PHACTR1: variants seen among roughly 807,000 people sequenced by gnomAD.
The protein encoded by PHACTR1 is phosphatase and actin regulator 1, also known as RPEL repeat containing 1.
A neutral mutation model predicts 69.2 loss-of-function variants in PHACTR1; 16 were observed. That is an observed-to-expected ratio of 0.23 (90% CI 0.16 to 0.35). The LOEUF (loss-of-function observed/expected upper bound fraction) is 0.35, where lower values mean the gene tolerates loss of function less well. PHACTR1 is among the 10% of genes least tolerant of loss of function. The probability of loss-of-function intolerance (pLI) is 1.00; values close to 1 mark genes in which losing one functional copy is unlikely to be tolerated. For synonymous variants in PHACTR1, 312 were observed against 284.5 expected, an observed-to-expected ratio of 1.10 and a Z score of -0.97; for missense variants, 510 against 734.7, an observed-to-expected ratio of 0.69 and a Z score of 3.54.
At chr6:13,278,041 G>C (rs1384732368) in intron 11 of PHACTR1, 1 of 351,204 alleles carries the variant, frequency 2.8e-6, no homozygotes, top group African/African-American at 2.1e-5. Context: ...GTGATGTAAA[G>C]AAGGCAAAAT....
intron 4 of PHACTR1, among the ~76,000 whole-genome samples, chr6:12,899,595 C>G (rs1420977826): frequency 6.6e-6 from 1 of 152,172 alleles, no homozygotes; most frequent in Admixed American, 6.5e-5. Context: ...GCTGCAATTT[C>G]CAGGTACTGG....
At chr6:13,225,650 ACT>A (rs1458771085) in intron 8 of PHACTR1, among the ~76,000 whole-genome samples, 1 of 151,928 alleles carries the variant, frequency 6.6e-6, no homozygotes, top group Non-Finnish European at 1.5e-5. Context: ...AGGAACTCAT[ACT>A]CTCTAGTTTC....
chr6:12,847,524 G>C (rs535131050), intron 4 of PHACTR1, among the ~76,000 whole-genome samples: 1 of 152,080 alleles, frequency 6.6e-6, no homozygotes, highest in Non-Finnish European at 1.5e-5. Context: ...CAACACATTT[G>C]GTTATTAGTA....
intron 4 of PHACTR1, among the ~76,000 whole-genome samples, chr6:12,831,689 G>A (rs1173614183): frequency 2.0e-5 from 3 of 152,166 alleles, no homozygotes; most frequent in Non-Finnish European, 2.9e-5. Flanking sequence ...CAGCTGTGAT[G>A]TGATTTAGAA....
At chr6:12,805,710 C>A (rs906122227) in intron 4 of PHACTR1, among the ~76,000 whole-genome samples, 32 of 151,994 alleles carry the variant, frequency 2.1e-4, no homozygotes, top group Admixed American at 2.0e-3. Flanking sequence ...AAGCAATTCT[C>A]CTGCCTCCGT....
intron 4 of PHACTR1, among the ~76,000 whole-genome samples, chr6:12,980,613 T>G (rs1379065527): frequency 6.6e-6 from 1 of 151,854 alleles, no homozygotes; most frequent in Admixed American, 6.6e-5. Context: ...GCAGAATGAC[T>G]TCTATGTGTG....
chr6:13,223,702 G>A (rs1459479099), intron 8 of PHACTR1, among the ~76,000 whole-genome samples: 1 of 151,960 alleles, frequency 6.6e-6, no homozygotes, highest in Non-Finnish European at 1.5e-5. Flanking sequence ...TGTCCTTGTG[G>A]GCCTATTCAT....
At chr6:13,278,996 C>T (rs1303756473) in intron 12 of PHACTR1, among the ~76,000 whole-genome samples, 2 of 148,138 alleles carry the variant, frequency 1.4e-5, no homozygotes, top group African/African-American at 4.9e-5. Context: ...TCGAATATTA[C>T]ACAATTATTT....
intron 4 of PHACTR1, among the ~76,000 whole-genome samples, chr6:12,761,967 C>T (rs974245866): frequency 1.3e-5 from 2 of 152,182 alleles, no homozygotes; most frequent in African/African-American, 4.8e-5. Context: ...CCTCGCGCCA[C>T]GCTGCCTTCC....
intron 10 of PHACTR1, among the ~76,000 whole-genome samples, chr6:13,251,124 G>T (rs1344569483): frequency 6.6e-6 from 1 of 152,176 alleles, no homozygotes; most frequent in African/African-American, 2.4e-5. Context: ...AGCTTTCAGG[G>T]CCCCGAGTGG....
rs529106112 is a variant in PHACTR1 at position 13,061,669 on chromosome 6, G to A, written c.415+8140G>A. Among the ~76,000 whole-genome samples the A allele has an allele frequency of 2.6e-5, 4 of 152,228 alleles. No homozygotes were observed. The East Asian group carries it at 7.7e-4, about 29-fold the overall frequency. On this transcript the variant is annotated intron_variant, in intron 5 of 14. Coordinates refer to ENST00000332995, the MANE Select transcript of PHACTR1 (RefSeq NM_030948.6). ...CGGTAAATGATCCTACTTACTAGTA[G>A]ACTAACAACTATATATCTTATTTGC...
At chr6:12,740,471 T>A (rs1764889533) in intron 3 of PHACTR1, among the ~76,000 whole-genome samples, 1 of 152,224 alleles carries the variant, frequency 6.6e-6, no homozygotes, top group African/African-American at 2.4e-5. Context: ...ATAATTTGAA[T>A]CTACCTCTAA....
At chr6:12,875,536 G>C (rs961080457) in intron 4 of PHACTR1, among the ~76,000 whole-genome samples, 3 of 152,150 alleles carry the variant, frequency 2.0e-5, no homozygotes, top group Non-Finnish European at 2.9e-5. Flanking sequence ...AGCTGCCCCT[G>C]TAAGTAAAAA....
intron 5 of PHACTR1, among the ~76,000 whole-genome samples, chr6:13,155,765 G>C (rs928286631): frequency 6.6e-6 from 1 of 152,174 alleles, no homozygotes; most frequent in East Asian, 1.9e-4. Context: ...GCAGGCGCCT[G>C]TAATCCCAGC....
intron 4 of PHACTR1, among the ~76,000 whole-genome samples, chr6:12,921,809 A>G (rs1787738865): frequency 1.3e-4 from 1 of 7,694 alleles, no homozygotes; most frequent in African/African-American, 3.2e-4. Flanking sequence ...GAAGGGAGGG[A>G]GGGAGCAAGG....
At chr6:13,115,457 C>G (rs143073698) in intron 5 of PHACTR1, among the ~76,000 whole-genome samples, 2 of 152,072 alleles carry the variant, frequency 1.3e-5, no homozygotes, top group African/African-American at 4.8e-5. Context: ...TAAAGGGGTT[C>G]CTTTTTAAGC....
chr6:13,242,131 C>T (rs1472079540), intron 10 of PHACTR1, among the ~76,000 whole-genome samples: 10 of 151,810 alleles, frequency 6.6e-5, no homozygotes, highest in East Asian at 3.9e-4. Context: ...GTTTATTTCT[C>T]ACTGGAGTTA....
Position 13,083,549 on chromosome 6 carries a change from T to C in PHACTR1, c.415+30020T>C, listed in dbSNP as rs1279553574. Among the ~76,000 whole-genome samples, 4 of 151,450 alleles carry C rather than the reference T, an allele frequency of 2.6e-5. No homozygotes were observed. In the East Asian group the frequency reaches 7.7e-4, roughly 29 times the overall value. Reference sequence around the variant, plus strand: ...ATTACCTTGGGCAGTATGGCCATTTTCACGATATTGATTCTTCCTACCCAT... The same window carrying C: ...ATTACCTTGGGCAGTATGGCCATTTCCACGATATTGATTCTTCCTACCCAT... On this transcript the variant is annotated intron_variant, in intron 5 of 14. Transcript: ENST00000332995.
At chr6:13,044,870 G>T (rs1169178827) in intron 4 of PHACTR1, among the ~76,000 whole-genome samples, 1 of 152,184 alleles carries the variant, frequency 6.6e-6, no homozygotes, top group Non-Finnish European at 1.5e-5. Context: ...ATGTCCTACC[G>T]GTTCTTCTTG....
Sources: gnomAD v4.1 joint callset for allele counts (sites outside exome capture counted in the v4.1 genomes callset) on GRCh38, gnomAD v4.1.1 for gene constraint, MANE v1.5 for transcripts, NCBI Gene and HGNC (gene_info 2026-07-23, HGNC 2026-07-21) for gene names.